Variants in CACNA2D3 observed in about 807,000 individuals in gnomAD.
CACNA2D3 encodes voltage-dependent calcium channel subunit alpha-2/delta-3.
CACNA2D3 carries 60 observed loss-of-function variants against 160.6 expected under a neutral mutation model. The ratio of observed to expected loss-of-function variants is 0.37; its 90% CI spans 0.30 to 0.46. The LOEUF (loss-of-function observed/expected upper bound fraction) is 0.46, where lower values mean the gene tolerates loss of function less well. CACNA2D3 is among the 20% of genes least tolerant of loss of function. The pLI is 1.00. For synonymous variants in CACNA2D3, 558 were observed against 492.9 expected (o/e 1.13, Z -1.75); for missense variants, 1,205 against 1,365.0 (o/e 0.88, Z 1.85).
intron 13 of CACNA2D3, among the ~76,000 whole-genome samples, chr3:54,799,336 A>T (rs1211862345): frequency 5.9e-5 from 9 of 152,272 alleles, no homozygotes; most frequent in African/African-American, 2.2e-4. Context: ...GCCACCTCTG[A>T]TATTTTTTGC....
At chr3:54,330,330 CGTGA>C (rs1209292543) in intron 3 of CACNA2D3, among the ~76,000 whole-genome samples, 8 of 151,662 alleles carry the variant, frequency 5.3e-5, no homozygotes, top group African/African-American at 1.9e-4. Context: ...TGGAGCATTT[CGTGA>C]GTGTGTTTGA....
At chr3:54,849,945 A>G (rs754650724) in intron 17 of CACNA2D3, among the ~76,000 whole-genome samples, 1 of 152,116 alleles carries the variant, frequency 6.6e-6, no homozygotes, top group African/African-American at 2.4e-5. Flanking sequence ...GTTTGGCTTG[A>G]TTTTATCCAG....
At chr3:54,765,154 G>T (rs1318206530) in intron 13 of CACNA2D3, among the ~76,000 whole-genome samples, 1 of 152,184 alleles carries the variant, frequency 6.6e-6, no homozygotes, top group Middle Eastern at 3.4e-3. Flanking sequence ...TGATCTCAAT[G>T]GCTGTCATGG....
At chr3:55,027,472 A>G (rs1447047766) in intron 35 of CACNA2D3, among the ~76,000 whole-genome samples, 2 of 152,210 alleles carry the variant, frequency 1.3e-5, no homozygotes, top group Non-Finnish European at 2.9e-5. Flanking sequence ...GATGACCCAT[A>G]GATGTACAAT....
intron 27 of CACNA2D3, among the ~76,000 whole-genome samples, chr3:54,942,573 T>C (rs1467293004): frequency 6.6e-6 from 1 of 152,114 alleles, no homozygotes; most frequent in Non-Finnish European, 1.5e-5. Flanking sequence ...ACTTAAGTGG[T>C]GCTAAAGATG....
intron 2 of CACNA2D3, among the ~76,000 whole-genome samples, chr3:54,285,989 C>A (rs1703012659): frequency 6.6e-6 from 1 of 152,132 alleles, no homozygotes; most frequent in South Asian, 2.1e-4. Flanking sequence ...AAAAACAGAG[C>A]AGAAAAACTG....
At chr3:54,759,040 G>T (rs1702032334) in intron 12 of CACNA2D3, among the ~76,000 whole-genome samples, 1 of 152,266 alleles carries the variant, frequency 6.6e-6, no homozygotes, top group East Asian at 1.9e-4. Flanking sequence ...CCAAGTAAGG[G>T]TAATATCTCA....
chr3:54,314,282 A>G (rs1703813499), intron 2 of CACNA2D3, among the ~76,000 whole-genome samples: 1 of 152,152 alleles, frequency 6.6e-6, no homozygotes, highest in Non-Finnish European at 1.5e-5. Context: ...TATCTATACC[A>G]TAGTTTCTTT....
intron 2 of CACNA2D3, among the ~76,000 whole-genome samples, chr3:54,286,932 A>G (rs963227683): frequency 1.3e-5 from 2 of 152,238 alleles, no homozygotes; most frequent in Non-Finnish European, 2.9e-5. Context: ...AAGAAGCACT[A>G]AACATGGAAA....
intron 3 of CACNA2D3, among the ~76,000 whole-genome samples, chr3:54,352,449 G>T (rs2107534346): frequency 6.6e-6 from 1 of 152,340 alleles, no homozygotes; most frequent in South Asian, 2.1e-4. Flanking sequence ...AACCTTAACA[G>T]TTTGTTCTGT....
intron 17 of CACNA2D3, among the ~76,000 whole-genome samples, chr3:54,864,488 G>A (rs1445575665): frequency 6.6e-6 from 1 of 152,090 alleles, no homozygotes; most frequent in Non-Finnish European, 1.5e-5. Context: ...TGGCCAGGCT[G>A]GTCTCAAACT....
At chr3:54,192,247 A>G (rs1177741132) in intron 2 of CACNA2D3, among the ~76,000 whole-genome samples, 2 of 152,100 alleles carry the variant, frequency 1.3e-5, no homozygotes, top group African/African-American at 2.4e-5. Flanking sequence ...TATTTTTAAC[A>G]CAAGTGATGT....
chr3:54,703,553 T>C (rs905931349), intron 11 of CACNA2D3, among the ~76,000 whole-genome samples: 4 of 152,160 alleles, frequency 2.6e-5, no homozygotes, highest in African/African-American at 7.2e-5. Flanking sequence ...GCTGGCCACA[T>C]AGTGAAGGTT....
intron 11 of CACNA2D3, among the ~76,000 whole-genome samples, chr3:54,679,347 A>G (rs999569161): frequency 2.0e-5 from 3 of 152,166 alleles, no homozygotes; most frequent in African/African-American, 7.2e-5. Flanking sequence ...AGTCTACTCA[A>G]AAGCATCCTT....
intron 14 of CACNA2D3, among the ~76,000 whole-genome samples, chr3:54,833,188 C>T (rs1431024805): frequency 1.3e-5 from 2 of 152,084 alleles, no homozygotes; most frequent in Admixed American, 1.3e-4. Context: ...CCAAATGGTC[C>T]CCATTATGTA....
chr3:54,845,727 A>T (rs1413044540), intron 16 of CACNA2D3, among the ~76,000 whole-genome samples: 1 of 152,258 alleles, frequency 6.6e-6, no homozygotes, highest in Non-Finnish European at 1.5e-5. Context: ...AGTCCCATTT[A>T]GTCAGAAAAC....
chr3:54,340,252 G>T (rs1239087988), intron 3 of CACNA2D3, among the ~76,000 whole-genome samples: 1 of 152,062 alleles, frequency 6.6e-6, no homozygotes, highest in East Asian at 1.9e-4. Context: ...AAACAAATTT[G>T]CCACACAAAC....
chr3:54,879,106 C>T lies in CACNA2D3; in HGVS notation c.1782+17C>T, dbSNP rs1310335812. ...GACAAAGGGGTACATTTTTCTCAAA[C>T]ATTTTTGCTGCTTAATTTAAAACAA... On this transcript the variant is annotated intron_variant, in intron 19 of 37. Coordinates refer to ENST00000474759, the MANE Select transcript of CACNA2D3 (RefSeq NM_018398.3). The T allele has an allele frequency of 2.6e-6, 4 of 1,522,406 alleles. No homozygotes were observed. Among genetic ancestry groups the T allele is most frequent in the Non-Finnish European group, 3.6e-6 (4 of 1,112,866 alleles). The allele number at this position is 1,522,406 out of a possible 1,614,324, so 94.3% of individuals were successfully genotyped here. A position where few individuals can be genotyped will look rare whatever the true frequency, so the allele number is the denominator to read the frequency against.
chr3:54,263,271 G>A (rs1016717890), intron 2 of CACNA2D3, among the ~76,000 whole-genome samples: 1 of 152,164 alleles, frequency 6.6e-6, no homozygotes, highest in African/African-American at 2.4e-5. Context: ...CTTGTATGGT[G>A]GCTACTGTGT....
Sources: gnomAD v4.1 joint callset for allele counts (sites outside exome capture counted in the v4.1 genomes callset) on GRCh38, gnomAD v4.1.1 for gene constraint, MANE v1.5 for transcripts, NCBI Gene and HGNC (gene_info 2026-07-23, HGNC 2026-07-21) for gene names.